The following DNAJC13 variants were observed in gnomAD, a reference collection of about 807,000 sequenced individuals.
DNAJC13 encodes the protein DnaJ heat shock protein family (Hsp40) member C13, also known as dnaJ homolog subfamily C member 13.
Under a neutral mutation model 290.5 loss-of-function variants are expected in DNAJC13, and 75 were observed. That is an observed-to-expected ratio of 0.26 (90% CI 0.21 to 0.31). The LOEUF is 0.31. Among genes scored for constraint, DNAJC13 ranks in the 10% least tolerant of loss-of-function variants. DNAJC13 has a pLI of 1.00. For synonymous variants in DNAJC13, 862 were observed against 892.0 expected (o/e 0.97, Z 0.60); for missense variants, 2,260 against 2,674.5 (o/e 0.85, Z 3.42).
intron 1 of DNAJC13, among the ~76,000 whole-genome samples, chr3:132,422,178 G>A (rs1236203938): frequency 2.6e-5 from 4 of 151,648 alleles, no homozygotes; most frequent in Non-Finnish European, 1.5e-5. Flanking sequence ...CCATAGGCAC[G>A]CCATGCCCAG....
At chr3:132,488,666 T>G (rs1300340919) in intron 30 of DNAJC13, among the ~76,000 whole-genome samples, 1 of 152,176 alleles carries the variant, frequency 6.6e-6, no homozygotes, top group Non-Finnish European at 1.5e-5. Flanking sequence ...GAATGTATTA[T>G]CTAGTATTTA....
intron 26 of DNAJC13, 21 bp from the exon 27 acceptor site, chr3:132,482,205 T>A: frequency 6.3e-7 from 1 of 1,591,940 alleles, no homozygotes; most frequent in Non-Finnish European, 8.6e-7. Context: ...GGAAAATAAT[T>A]TAAATCTTTT....
intron 48 of DNAJC13, among the ~76,000 whole-genome samples, chr3:132,520,705 G>T (rs987619398): frequency 2.0e-5 from 3 of 152,292 alleles, no homozygotes; most frequent in South Asian, 4.1e-4. Flanking sequence ...CTCATGTTAA[G>T]ACAGTTATCC....
At position 132,502,589 on chromosome 3, in the gene DNAJC13, G is replaced by T. The variant is rs1395137940; in HGVS notation, c.4716+121G>T. The T allele has an allele frequency of 4.3e-6, 4 of 939,112 alleles. 1 individual carries two copies. Among genetic ancestry groups the T allele is most frequent in the Non-Finnish European group, 5.9e-6 (4 of 683,622 alleles). The allele number at this position is 939,112 out of a possible 1,614,324, so 58.2% of individuals were successfully genotyped here. ...GATAAATTGTTTTTCAGGAAAATTAGGTTTTTTGCTTTTTAAACCTAATCA... is the reference window on the plus strand; with the variant it reads ...GATAAATTGTTTTTCAGGAAAATTATGTTTTTTGCTTTTTAAACCTAATCA... On this transcript the variant is annotated intron_variant, in intron 40 of 55. Transcript: ENST00000260818.
chr3:132,476,483 T>C (rs1934478206), intron 22 of DNAJC13, among the ~76,000 whole-genome samples: 1 of 152,212 alleles, frequency 6.6e-6, no homozygotes. Context: ...CTGGAATCTG[T>C]TATCAACATT....
At chr3:132,494,293 TC>T in intron 34 of DNAJC13, 34 bp downstream of exon 34, 1 of 1,481,162 alleles carries the variant, frequency 6.8e-7, no homozygotes, top group Non-Finnish European at 9.4e-7. Flanking sequence ...CAAATGTCTG[TC>T]CCACCTTAAA....
chr3:132,439,425 G>A (rs1232452423), intron 2 of DNAJC13, among the ~76,000 whole-genome samples: 2 of 151,124 alleles, frequency 1.3e-5, no homozygotes, highest in Admixed American at 1.3e-4. Flanking sequence ...CAGGAATACT[G>A]AGGGGTTTTT....
chr3:132,420,905 A>G (rs558387812), intron 1 of DNAJC13, among the ~76,000 whole-genome samples: 2 of 152,338 alleles, frequency 1.3e-5, no homozygotes, highest in East Asian at 3.9e-4. Context: ...ACCAAAAATT[A>G]TGAGGCCCAT....
Position 132,434,589 on chromosome 3 carries a change from C to G in DNAJC13, c.39C>G (p.Phe13Leu). The change falls in exon 2 of 56, where the codon TTC becomes TTG. Residue 13 changes from phenylalanine to leucine, a missense_variant. By Grantham distance (22) the Phe-to-Leu change is conservative (BLOSUM62 0). This residue lies in a region of DNAJC13 where 762 missense variants were observed against 964.1 expected (regional missense o/e 0.79). Transcript: ENST00000260818. ...GGGAAAATAAGGATCTGGCATGTTT[C>G]TACACAACAAAACATTCATGGAGGG... Reference protein sequence around the residue: ...IIRENKDLACFYTTKHSWRGK... With the variant: ...IIRENKDLACLYTTKHSWRGK... 1 of 1,611,154 alleles carries G rather than the reference C, an allele frequency of 6.2e-7. No individual in the cohort carries two copies. Among genetic ancestry groups the G allele is most frequent in the Admixed American group, 1.7e-5 (1 of 59,406 alleles).
chr3:132,522,833 A>T lies in DNAJC13; in HGVS notation c.5679A>T (p.Arg1893=), dbSNP rs771620292. 3.7e-6 allele frequency: 6 copies of T among 1,605,500 alleles called. No homozygotes were observed. In the South Asian group the frequency reaches 6.8e-5, roughly 18 times the overall value. ...TCTCAAACTTCCTCGTATAGGTTCG[A>T]ATTACGTTAATGAAATTTCTACCAA... ...TADKLIGPKV[R]ITLMKFLPSV... Residue 1893 remains arginine (R), a synonymous_variant, in exon 49 of 56, where the codon CGA becomes CGT. Coordinates refer to ENST00000260818, the MANE Select transcript of DNAJC13 (RefSeq NM_015268.4).
In DNAJC13 at chr3:132,494,030, T is replaced by A. The variant is rs967548434; in HGVS notation, c.3826-114T>A. ...TATTTGTATTTCAGAAAGCTGTTAA[T>A]TGGACAGCTAAAAGTATCCATTTAA... On this transcript the variant is annotated intron_variant, in intron 33 of 55. Transcript: ENST00000260818. 5.0e-5 allele frequency: 36 copies of A among 720,778 alleles called. No individual in the cohort carries two copies. In the African/African-American group the frequency reaches 5.6e-4, roughly 11 times the overall value. 44.6% of individuals were successfully genotyped at this position (720,778 alleles called of 1,614,324 possible).
chr3:132,514,964 G>A, intron 46 of DNAJC13: 1 of 285,952 alleles, frequency 3.5e-6, no homozygotes, highest in Admixed American at 5.7e-5. Flanking sequence ...AATATTTCAT[G>A]GTTTACTAAA....
Position 132,496,607 on chromosome 3 carries a change from A to G in DNAJC13, c.4100A>G (p.Glu1367Gly). Residue 1367 changes from glutamate (E) to glycine (G), a missense_variant, in exon 36 of 56, where the codon GAG becomes GGG. Physicochemically the swap from Glu to Gly is moderately conservative, Grantham distance 98. Transcript: ENST00000260818. ...AAAATAGTGGATGGGCCAGATCCAG[A>G]GAATATAATTTTAATTCTAAAAACA... ...SAKIVDGPDP[E>G]NIILILKTQS... The G allele has an allele frequency of 1.9e-6, 3 of 1,611,698 alleles. No homozygotes were observed. The highest frequency in any genetic ancestry group is 2.5e-6 in the Non-Finnish European group (3 of 1,178,864).
At chr3:132,523,799 C>T in intron 51 of DNAJC13, 86 bp downstream of exon 51, 1 of 1,328,304 alleles carries the variant, frequency 7.5e-7, no homozygotes, top group Admixed American at 2.4e-5. Context: ...TCACAAAGAC[C>T]ATGAATTAGG....
At chr3:132,446,342 A>G in intron 2 of DNAJC13, 133 bp from the exon 3 acceptor site, 2 of 597,658 alleles carry the variant, frequency 3.3e-6, no homozygotes, top group Non-Finnish European at 2.9e-6. Flanking sequence ...ATATATAACT[A>G]AGCTATATTT....
chr3:132,478,155 T>A lies in DNAJC13; in HGVS notation c.2709+15T>A, dbSNP rs1934536345. 6.3e-7 allele frequency: 1 copy of A among 1,581,660 alleles called. No individual in the cohort carries two copies. The highest frequency in any genetic ancestry group is 2.2e-5 in the East Asian group (1 of 44,590). On this transcript the variant is annotated intron_variant, in intron 24 of 55. Coordinates refer to ENST00000260818, the MANE Select transcript of DNAJC13 (RefSeq NM_015268.4). ...TGTTAGAGAGGGTAAGGATATCATT[T>A]AAGGAAATTACTATTTGATAGTGTC...
rs373843306 is a variant in DNAJC13 at position 132,513,065 on chromosome 3, A to T, written c.5351A>T (p.His1784Leu). The T allele has an allele frequency of 2.5e-6, 4 of 1,613,278 alleles. No individual in the cohort carries two copies. The African/African-American group carries it at 5.3e-5, about 22-fold the overall frequency. Reference sequence around the variant, plus strand: ...TTGATATTTTCTCTTCTCCGAGTTCATGGAGCTGGTCAAGTGCAGCAGTTG... The same window carrying T: ...TTGATATTTTCTCTTCTCCGAGTTCTTGGAGCTGGTCAAGTGCAGCAGTTG... ...FKLIFSLLRV[H>L]GAGQVQQLAL... The change falls in exon 45 of 56, where the codon CAT becomes CTT. Residue 1784 changes from histidine to leucine, a missense_variant. By Grantham distance (99) the His-to-Leu change is moderately conservative. Coordinates refer to ENST00000260818, the MANE Select transcript of DNAJC13 (RefSeq NM_015268.4).
chr3:132,516,782 C>T lies in DNAJC13; in HGVS notation c.5639C>T (p.Ala1880Val). The T allele has an allele frequency of 6.2e-7, 1 of 1,613,380 alleles. No homozygotes were observed. The highest frequency in any genetic ancestry group is 8.5e-7 in the Non-Finnish European group (1 of 1,179,566). Residue 1880 changes from alanine (A) to valine (V), a missense_variant, in exon 48 of 56, where the codon GCC becomes GTC. This residue lies in a region of DNAJC13 where 1,494 missense variants were observed against 1,693.7 expected (regional missense o/e 0.88). Transcript: ENST00000260818. ...CGAGCCCAAACAGCAGAACTTTTTG[C>T]CAAAATGACAGCAGATAAACTGATA... Reference protein sequence around the residue: ...QVRAQTAELFAKMTADKLIGP... With the variant: ...QVRAQTAELFVKMTADKLIGP...
intron 19 of DNAJC13, 65 bp downstream of exon 19, chr3:132,466,459 T>C: frequency 7.6e-7 from 1 of 1,312,840 alleles, no homozygotes; most frequent in African/African-American, 1.5e-5. Context: ...ATATGTCTTT[T>C]TTTGAAACAC....
Sources: gnomAD v4.1 joint callset for allele counts (sites outside exome capture counted in the v4.1 genomes callset) on GRCh38, gnomAD v4.1.1 for gene constraint, gnomAD v4.1.1 regional missense constraint, MANE v1.5 for transcripts, NCBI Gene and HGNC (gene_info 2026-07-23, HGNC 2026-07-21) for gene names.